MSH3: variants seen among roughly 807,000 people sequenced by gnomAD.
MSH3 encodes mutS homolog 3.
A neutral mutation model predicts 123.3 loss-of-function variants in MSH3; 106 were observed. That is an observed-to-expected ratio of 0.86 (90% confidence interval 0.73 to 1.01). The LOEUF (loss-of-function observed/expected upper bound fraction) is 1.01, where lower values mean the gene tolerates loss of function less well. MSH3 is among the 50% of genes least tolerant of loss of function. The pLI is 0.00. For missense variants in MSH3, 1,459 were observed against 1,347.6 expected, an observed-to-expected ratio of 1.08 and a Z score of -1.29; for synonymous variants, 515 against 481.4, an observed-to-expected ratio of 1.07 and a Z score of -0.91.
intron 2 of MSH3, among the ~76,000 whole-genome samples, chr5:80,663,836 C>G (rs1383924273): frequency 2.0e-5 from 3 of 152,078 alleles, no homozygotes; most frequent in Non-Finnish European, 4.4e-5. Context: ...GTACACTCCA[C>G]AGGGTGGGAG....
chr5:80,807,467 A>AC (rs1744911701), intron 19 of MSH3, among the ~76,000 whole-genome samples: 1 of 152,202 alleles, frequency 6.6e-6, no homozygotes, highest in Non-Finnish European at 1.5e-5. Flanking sequence ...TCAGGGAGTG[A>AC]CAGAGGTCAT....
chr5:80,770,738 T>G (rs1449142756), intron 15 of MSH3, among the ~76,000 whole-genome samples: 1 of 152,218 alleles, frequency 6.6e-6, no homozygotes, highest in Non-Finnish European at 1.5e-5. Flanking sequence ...ACCATGGATT[T>G]TATCTGACAA....
intron 10 of MSH3, among the ~76,000 whole-genome samples, chr5:80,737,786 C>G (rs117652726): frequency 6.6e-6 from 1 of 152,158 alleles, no homozygotes; most frequent in East Asian, 1.9e-4. Flanking sequence ...TAAATACTTA[C>G]GAAATATATG....
In MSH3 at chr5:80,760,297, C is replaced by T. The variant is rs183536759; in HGVS notation, c.1764-1249C>T. 2.5e-3 allele frequency among the ~76,000 whole-genome samples: 382 copies of T among 152,314 alleles called. 1 individual carries two copies. The highest frequency in any genetic ancestry group is 8.6e-3 in the African/African-American group (358 of 41,570). On this transcript the variant is annotated intron_variant, in intron 12 of 23. Coordinates refer to ENST00000265081, the MANE Select transcript of MSH3 (RefSeq NM_002439.5). The stretch of plus-strand genomic sequence containing the variant: ...TGTTTACTTATCTTAGTTTTTAATA[C>T]TACAGATGGTCATTATACCTAGTGT...
chr5:80,779,342 C>T (rs139436614), intron 17 of MSH3, among the ~76,000 whole-genome samples: 1 of 152,186 alleles, frequency 6.6e-6, no homozygotes, highest in Non-Finnish European at 1.5e-5. Context: ...CCTCTATACA[C>T]CCTTCACCTA....
intron 8 of MSH3, among the ~76,000 whole-genome samples, chr5:80,698,822 G>A (rs879490346): frequency 2.0e-5 from 3 of 151,888 alleles, no homozygotes; most frequent in Admixed American, 6.6e-5. Flanking sequence ...TGGGGGGGAC[G>A]GATAGCATTA....
At chr5:80,864,710 C>A in intron 21 of MSH3, 103 bp from the exon 22 acceptor site, 2 of 1,025,106 alleles carry the variant, frequency 2.0e-6, no homozygotes, top group Non-Finnish European at 2.9e-6. Context: ...TTTCTTGTGA[C>A]TTTTAGGAAG....
chr5:80,853,425 A>AGTGTAGT (rs1269740295), intron 20 of MSH3, among the ~76,000 whole-genome samples: 14 of 152,168 alleles, frequency 9.2e-5, no homozygotes, highest in African/African-American at 3.4e-4. Context: ...TAGTGAGCCG[A>AGTGTAGT]GAGCATGCCA....
chr5:80,762,995 C>T (rs140741653), intron 13 of MSH3, among the ~76,000 whole-genome samples: 3,012 of 151,856 alleles, frequency 0.02, 65 homozygotes, highest in African/African-American at 0.053. Context: ...TACAGGCACC[C>T]GCCACTATGC....
intron 19 of MSH3, among the ~76,000 whole-genome samples, chr5:80,797,505 G>T (rs1242383268): frequency 1.3e-5 from 2 of 152,134 alleles, no homozygotes; most frequent in African/African-American, 4.8e-5. Flanking sequence ...CCAATTTACA[G>T]AATAATTTTA....
intron 2 of MSH3, among the ~76,000 whole-genome samples, chr5:80,660,081 CA>C (rs1749396362): frequency 6.6e-6 from 1 of 152,098 alleles, no homozygotes; most frequent in African/African-American, 2.4e-5. Flanking sequence ...TCCATTTTCA[CA>C]CTGCTGATAA....
rs7736683 is a variant in MSH3 at position 80,703,933 on chromosome 5, G to A, written c.1341-21520G>A. Among the ~76,000 whole-genome samples the A allele has an allele frequency of 4.3e-3, 660 of 152,170 alleles. 3 individuals carry two copies. The highest frequency in any genetic ancestry group is 0.015 in the African/African-American group (623 of 41,516). On this transcript the variant is annotated intron_variant, in intron 8 of 23. Transcript: ENST00000265081. ...TCTTTTATAATGGGCCAGGAAGCAC[G>A]TGTCTGTGGTTTCTGCATAGGGCGT... is the stretch of plus-strand genomic sequence containing the variant.
At chr5:80,746,295 T>C (rs1325947396) in intron 12 of MSH3, 5 of 311,628 alleles carry the variant, frequency 1.6e-5, no homozygotes, top group African/African-American at 4.4e-5. Flanking sequence ...GGGCAGCTAG[T>C]ATTTGGAACA....
At chr5:80,663,821 A>G (rs1749502501) in intron 2 of MSH3, among the ~76,000 whole-genome samples, 1 of 152,176 alleles carries the variant, frequency 6.6e-6, no homozygotes, top group Non-Finnish European at 1.5e-5. Context: ...TATTGGAAAC[A>G]AAAAGTACAC....
chr5:80,789,226 A>G (rs948043221), intron 18 of MSH3, among the ~76,000 whole-genome samples: 4 of 152,130 alleles, frequency 2.6e-5, no homozygotes, highest in East Asian at 1.9e-4. Flanking sequence ...TTCTTTTACA[A>G]TGAATTTGTA....
At chr5:80,678,557 T>C (rs1749892987) in intron 7 of MSH3, among the ~76,000 whole-genome samples, 1 of 152,238 alleles carries the variant, frequency 6.6e-6, no homozygotes, top group Non-Finnish European at 1.5e-5. Context: ...TTCCTGTTTA[T>C]TTTATAATTT....
chr5:80,718,906 A>C (rs1435837423), intron 8 of MSH3, among the ~76,000 whole-genome samples: 1 of 152,146 alleles, frequency 6.6e-6, no homozygotes, highest in Non-Finnish European at 1.5e-5. Context: ...CCTCTGTGCC[A>C]TTTTGCCATG....
At chr5:80,799,786 A>G (rs1744762269) in intron 19 of MSH3, among the ~76,000 whole-genome samples, 1 of 152,086 alleles carries the variant, frequency 6.6e-6, no homozygotes, top group South Asian at 2.1e-4. Flanking sequence ...TCTGCGACTT[A>G]GTTGCTGGGA....
chr5:80,709,552 G>A (rs1054081363), intron 8 of MSH3, among the ~76,000 whole-genome samples: 1 of 152,162 alleles, frequency 6.6e-6, no homozygotes, highest in Non-Finnish European at 1.5e-5. Flanking sequence ...AACCCGGGAG[G>A]CGGAGCTTGC....
Sources: allele counts gnomAD v4.1 joint callset (sites outside exome capture counted in the v4.1 genomes callset), GRCh38; gene constraint gnomAD v4.1.1; transcripts MANE v1.5; gene names NCBI Gene and HGNC (gene_info 2026-07-23, HGNC 2026-07-21).